The following KLHL1 variants were observed in gnomAD, a reference collection of about 807,000 sequenced individuals.
KLHL1 encodes kelch like family member 1.
KLHL1 carries 47 observed loss-of-function variants against 77.7 expected under a neutral mutation model. That is an observed-to-expected ratio of 0.60 (90% CI 0.48 to 0.77). KLHL1 has a LOEUF of 0.77. KLHL1 is among the 30% of genes least tolerant of loss of function. The pLI, the probability that KLHL1 is intolerant of heterozygous loss-of-function variation, is 0.00. For synonymous variants in KLHL1, 360 were observed against 325.2 expected (o/e 1.11, Z -1.15); for missense variants, 925 against 910.8 (o/e 1.02, Z -0.20).
At chr13:69,931,954 C>A (rs373672412) in intron 4 of KLHL1, among the ~76,000 whole-genome samples, 1 of 151,626 alleles carries the variant, frequency 6.6e-6, no homozygotes, top group South Asian at 2.1e-4. Context: ...AAATTAGGCA[C>A]AAAAATATTT....
At chr13:69,705,484 T>G (rs990703175) in intron 10 of KLHL1, among the ~76,000 whole-genome samples, 11 of 151,704 alleles carry the variant, frequency 7.3e-5, no homozygotes, top group Non-Finnish European at 3.0e-5. Flanking sequence ...GCTAATATTA[T>G]ATGGAATAAC....
chr13:70,067,614 G>A (rs1185381872), intron 1 of KLHL1, among the ~76,000 whole-genome samples: 1 of 149,746 alleles, frequency 6.7e-6, no homozygotes, highest in Non-Finnish European at 1.5e-5. Context: ...CTTAGTACAG[G>A]GGCTCAGATG....
chr13:70,016,490 G>A (rs1885661308), intron 1 of KLHL1, among the ~76,000 whole-genome samples: 1 of 152,240 alleles, frequency 6.6e-6, no homozygotes, highest in African/African-American at 2.4e-5. Flanking sequence ...TGCCAACTAT[G>A]ATTTTGGAGC....
At chr13:69,758,886 A>T (rs1401410982) in intron 7 of KLHL1, among the ~76,000 whole-genome samples, 2 of 152,174 alleles carry the variant, frequency 1.3e-5, no homozygotes, top group Non-Finnish European at 2.9e-5. Context: ...TTTTATGATT[A>T]TTAATTAAAT....
chr13:70,041,460 T>C (rs1886378421), intron 1 of KLHL1, among the ~76,000 whole-genome samples: 1 of 152,194 alleles, frequency 6.6e-6, no homozygotes, highest in South Asian at 2.1e-4. Flanking sequence ...TCAGCCTCCA[T>C]GGACAAGATA....
chr13:69,701,895 G>C (rs1875412126), intron 10 of KLHL1, 134 bp from the exon 11 acceptor site: 1 of 555,678 alleles, frequency 1.8e-6, no homozygotes, highest in Non-Finnish European at 2.9e-6. Flanking sequence ...AAGTAGTACA[G>C]TAAAAATGAA....
chr13:69,858,255 C>G (rs776337483), intron 5 of KLHL1, among the ~76,000 whole-genome samples: 1 of 152,026 alleles, frequency 6.6e-6, no homozygotes, highest in Non-Finnish European at 1.5e-5. Context: ...AACTGACACC[C>G]TCTTGGGGAG....
At chr13:70,066,420 T>A (rs776929184) in intron 1 of KLHL1, among the ~76,000 whole-genome samples, 6 of 152,090 alleles carry the variant, frequency 3.9e-5, no homozygotes, top group South Asian at 2.1e-4. Context: ...AGAGTGCAAA[T>A]AGAATAAAAA....
chr13:70,033,825 G>A (rs1176953202), intron 1 of KLHL1, among the ~76,000 whole-genome samples: 1 of 151,644 alleles, frequency 6.6e-6, no homozygotes, highest in Non-Finnish European at 1.5e-5. Context: ...TTACCATGTT[G>A]GCCAGGCTGG....
chr13:69,732,818 G>C (rs1873606852), intron 8 of KLHL1, among the ~76,000 whole-genome samples: 2 of 152,052 alleles, frequency 1.3e-5, no homozygotes, highest in African/African-American at 4.8e-5. Context: ...CAGCAGATTG[G>C]CATCTTCTTC....
At chr13:70,085,033 T>C (rs1397028815) in intron 1 of KLHL1, among the ~76,000 whole-genome samples, 2 of 152,108 alleles carry the variant, frequency 1.3e-5, no homozygotes, top group Non-Finnish European at 2.9e-5. Context: ...GACATGAATA[T>C]GGTAAATGAA....
At chr13:69,783,375 C>G (rs1372258066) in intron 7 of KLHL1, among the ~76,000 whole-genome samples, 1 of 152,134 alleles carries the variant, frequency 6.6e-6, no homozygotes, top group Non-Finnish European at 1.5e-5. Context: ...TCAAACTACT[C>G]TGAGCTACAG....
chr13:69,883,684 T>C (rs963530179), intron 4 of KLHL1, among the ~76,000 whole-genome samples: 1 of 152,230 alleles, frequency 6.6e-6, no homozygotes, highest in Non-Finnish European at 1.5e-5. Context: ...ATTTGCTGAA[T>C]ACATGAATTG....
At chr13:69,987,168 C>T (rs567857939) in intron 1 of KLHL1, among the ~76,000 whole-genome samples, 3 of 152,082 alleles carry the variant, frequency 2.0e-5, no homozygotes, top group African/African-American at 7.2e-5. Flanking sequence ...TCACCATTCG[C>T]AATGTATCTC....
chr13:70,095,100 A>G (rs1052356175), intron 1 of KLHL1, among the ~76,000 whole-genome samples: 15 of 152,160 alleles, frequency 9.9e-5, no homozygotes, highest in African/African-American at 3.4e-4. Flanking sequence ...TTGAAAGCAC[A>G]ATTTCTGCTC....
chr13:69,771,092 G>A (rs188883802), intron 7 of KLHL1, among the ~76,000 whole-genome samples: 13 of 151,804 alleles, frequency 8.6e-5, no homozygotes, highest in African/African-American at 3.1e-4. Flanking sequence ...TATACTTTTG[G>A]GCTTTACCAA....
At chr13:69,795,111 C>T (rs922783559) in intron 7 of KLHL1, among the ~76,000 whole-genome samples, 7 of 152,100 alleles carry the variant, frequency 4.6e-5, no homozygotes, top group African/African-American at 1.4e-4. Flanking sequence ...TCTGCCTCAT[C>T]GGAGAACACA....
intron 9 of KLHL1, among the ~76,000 whole-genome samples, chr13:69,717,003 A>G (rs371736865): frequency 6.6e-6 from 1 of 152,086 alleles, no homozygotes; most frequent in African/African-American, 2.4e-5. Flanking sequence ...AACTATTCTA[A>G]AGTCCTCATT....
At chr13:70,052,670 T>C (rs1886656684) in intron 1 of KLHL1, among the ~76,000 whole-genome samples, 1 of 151,824 alleles carries the variant, frequency 6.6e-6, no homozygotes, top group South Asian at 2.1e-4. Context: ...TTATTTCCCC[T>C]TAAAAGAGAA....
Sources: gnomAD v4.1 joint callset for allele counts (sites outside exome capture counted in the v4.1 genomes callset) on GRCh38, gnomAD v4.1.1 for gene constraint, MANE v1.5 for transcripts, NCBI Gene and HGNC (gene_info 2026-07-23, HGNC 2026-07-21) for gene names.